The following EIF4E3 variants were observed in gnomAD, a reference collection of about 807,000 sequenced individuals.
EIF4E3 encodes eukaryotic translation initiation factor 4E type 3.
EIF4E3 carries 26 observed loss-of-function variants against 31.7 expected under a neutral mutation model. The ratio of observed to expected loss-of-function variants is 0.82; its 90% confidence interval spans 0.60 to 1.14. The LOEUF (loss-of-function observed/expected upper bound fraction) is 1.14. EIF4E3 is among the 50% of genes most tolerant of loss of function. The pLI is 0.00. For missense variants in EIF4E3, 304 were observed against 270.9 expected, an observed-to-expected ratio of 1.12 and a Z score of -0.86; for synonymous variants, 128 against 107.7, an observed-to-expected ratio of 1.19 and a Z score of -1.17.
downstream of EIF4E3, among the ~76,000 whole-genome samples, chr3:71,672,012 G>C (rs775328524): frequency 1.3e-5 from 2 of 152,150 alleles, no homozygotes; most frequent in Non-Finnish European, 2.9e-5. Flanking sequence ...TGCGCTCCCC[G>C]ATTTAGCAGA....
chr3:71,661,040 A>C, the EIF4E3 span, among the ~76,000 whole-genome samples: 1 of 152,072 alleles, frequency 6.6e-6, no homozygotes, highest in Non-Finnish European at 1.5e-5. Context: ...CAACTTGTGA[A>C]TTTTCCACAA....
At chr3:71,751,224 C>G (rs2049926090) in intron 1 of EIF4E3, among the ~76,000 whole-genome samples, 1 of 151,878 alleles carries the variant, frequency 6.6e-6, no homozygotes, top group Admixed American at 6.6e-5. Context: ...AGAGTGAGAC[C>G]CTGTTTCAAA....
intron 2 of EIF4E3, among the ~76,000 whole-genome samples, chr3:71,705,967 G>T (rs2049288223): frequency 6.6e-6 from 1 of 152,196 alleles, no homozygotes; most frequent in Non-Finnish European, 1.5e-5. Context: ...CACTGAGGAT[G>T]CAAAATCACA....
intron 1 of EIF4E3, among the ~76,000 whole-genome samples, chr3:71,744,325 G>A (rs1407112799): frequency 1.3e-5 from 2 of 152,020 alleles, no homozygotes; most frequent in African/African-American, 4.8e-5. Context: ...TGGCAAATAA[G>A]CACATGAAAA....
the EIF4E3 span, among the ~76,000 whole-genome samples, chr3:71,667,516 C>T: frequency 1.3e-5 from 2 of 152,150 alleles, no homozygotes; most frequent in Admixed American, 1.3e-4. Flanking sequence ...ATTGTCTCAG[C>T]CCCAAAACTC....
intron 1 of EIF4E3, among the ~76,000 whole-genome samples, chr3:71,718,108 T>C (rs1335250672): frequency 6.6e-6 from 1 of 152,268 alleles, no homozygotes; most frequent in Non-Finnish European, 1.5e-5. Context: ...GGCAGAGTTA[T>C]ATCTTCTAAA....
intron 1 of EIF4E3, among the ~76,000 whole-genome samples, chr3:71,748,438 C>T (rs2049895018): frequency 6.6e-6 from 1 of 151,952 alleles, no homozygotes; most frequent in Non-Finnish European, 1.5e-5. Context: ...GGGTTTTCAC[C>T]CTCTTCCAGA....
rs2048870022 is a variant in EIF4E3 at position 71,675,681 on chromosome 3, GTCATT to G, written c.*8996_*9000del. The stretch of plus-strand genomic sequence containing the variant: ...TGAACGAATTCTTTATACTTTCTGG[GTCATT>G]TCTTCATCTGTAAAATGAAAAGTTT... On this transcript the variant is annotated 3_prime_UTR_variant, in exon 7 of 7. Coordinates refer to ENST00000425534, the MANE Select transcript of EIF4E3 (RefSeq NM_001134651.2). 1 of 152,172 alleles carries G rather than the reference GTCATT, an allele frequency of 6.6e-6. No homozygotes were observed. The allele number at this position is 152,172 out of a possible 1,614,324, so 9.4% of individuals were successfully genotyped here.
chr3:71,703,340 G>A (rs1268939234), intron 2 of EIF4E3, among the ~76,000 whole-genome samples: 1 of 152,208 alleles, frequency 6.6e-6, no homozygotes, highest in African/African-American at 2.4e-5. Context: ...AGGCAGGGAA[G>A]ACACCTGTCC....
chr3:71,708,864 A>C (rs6804667), intron 2 of EIF4E3, among the ~76,000 whole-genome samples: 105,869 of 152,002 alleles, frequency 0.7, 37,458 homozygotes, highest in African/African-American at 0.82. Flanking sequence ...TGCTGCCTTG[A>C]GGTGCTGTCT....
At chr3:71,754,361 C>A (rs1240078958), upstream of EIF4E3, 1 of 1,325,726 alleles carries the variant, frequency 7.5e-7, no homozygotes, top group African/African-American at 1.5e-5. This position sits in a 1 kb window ranked among gnomAD's most constrained non-coding sequence, Gnocchi z 5.8. Flanking sequence ...TGGCCGCGCT[C>A]TTCTGCTTCC....
intron 2 of EIF4E3, 137 bp downstream of exon 2, chr3:71,710,275 G>T: frequency 1.1e-6 from 1 of 948,740 alleles, no homozygotes; most frequent in Non-Finnish European, 1.7e-6. Context: ...GGGCAGCTGT[G>T]CCAACCTGGA....
chr3:71,722,096 G>GA (rs199749343), intron 1 of EIF4E3, among the ~76,000 whole-genome samples: 6 of 151,050 alleles, frequency 4.0e-5, no homozygotes, highest in Admixed American at 2.0e-4. Context: ...TTTTCCTCGG[G>GA]GGGGCGGGGG....
At position 71,678,138 on chromosome 3, in the gene EIF4E3, G is replaced by T. The variant is rs2048888571; in HGVS notation, c.*6544C>A. 1 of 152,132 alleles carries T rather than the reference G, an allele frequency of 6.6e-6. No individual in the cohort carries two copies. The highest frequency in any genetic ancestry group is 1.5e-5 in the Non-Finnish European group (1 of 68,016). 9.4% of individuals were successfully genotyped at this position (152,132 alleles called of 1,614,324 possible). ...TTTAATATGTGTTGTAATAAACAAG[G>T]TTATTCTAATCACCACACACACACT... is the stretch of plus-strand genomic sequence containing the variant. On this transcript the variant is annotated 3_prime_UTR_variant, in exon 7 of 7. Coordinates refer to ENST00000425534, the MANE Select transcript of EIF4E3 (RefSeq NM_001134651.2).
chr3:71,721,801 G>A (rs147793016), intron 1 of EIF4E3, among the ~76,000 whole-genome samples: 89 of 152,182 alleles, frequency 5.8e-4, no homozygotes, highest in Non-Finnish European at 2.8e-4. Context: ...GTAATTCTTC[G>A]TAGCAGTGTG....
chr3:71,726,162 C>T (rs2049635947), upstream of EIF4E3, among the ~76,000 whole-genome samples: 2 of 152,320 alleles, frequency 1.3e-5, no homozygotes, highest in South Asian at 4.1e-4. Flanking sequence ...TCTGGAGCTA[C>T]CATGTGACCA....
upstream of EIF4E3, chr3:71,725,430 AC>A (rs1014755300): frequency 5.6e-5 from 52 of 936,782 alleles, no homozygotes; most frequent in Non-Finnish European, 6.5e-5. The surrounding 1 kb of genome is among the most constrained non-coding windows in gnomAD (Gnocchi z 6.1). Context: ...CGGCTGAGTC[AC>A]CCCCGGCCCC....
At chr3:71,662,531 G>C in the EIF4E3 span, among the ~76,000 whole-genome samples, 4 of 152,086 alleles carry the variant, frequency 2.6e-5, no homozygotes, top group Non-Finnish European at 4.4e-5. Context: ...TTAGAACATG[G>C]GGAAAACTCA....
chr3:71,721,551 G>A (rs540275426), intron 1 of EIF4E3, among the ~76,000 whole-genome samples: 123 of 152,188 alleles, frequency 8.1e-4, no homozygotes, highest in African/African-American at 2.9e-3. Context: ...GAAGGTAACC[G>A]GATCATGGGG....
Sources: gnomAD v4.1 joint callset for allele counts (sites outside exome capture counted in the v4.1 genomes callset) on GRCh38, gnomAD v4.1.1 for gene constraint, Gnocchi (gnomAD v3.1) non-coding constraint, MANE v1.5 for transcripts, NCBI Gene and HGNC (gene_info 2026-07-23, HGNC 2026-07-21) for gene names.